Variants in RGSL1 observed in about 807,000 individuals in gnomAD.
RGSL1 encodes regulator of G protein signaling like 1, also known as regulator of G protein signaling protein-like.
RGSL1 carries 97 observed loss-of-function variants against 124.7 expected under a neutral mutation model. The observed-to-expected ratio is 0.78, with a 90% CI of 0.66 to 0.92. The LOEUF (loss-of-function observed/expected upper bound fraction) is 0.92, where lower values mean the gene tolerates loss of function less well. RGSL1 is among the 40% of genes least tolerant of loss of function. The pLI, the probability that RGSL1 is intolerant of heterozygous loss-of-function variation, is 0.00. For missense variants in RGSL1, 1,233 were observed against 1,288.4 expected, an observed-to-expected ratio of 0.96 and a Z score of 0.66; for synonymous variants, 424 against 438.1, an observed-to-expected ratio of 0.97 and a Z score of 0.40.
intron 10 of RGSL1, 30 bp from the exon 11 acceptor site, chr1:182,527,549 C>G (rs1312221974): frequency 2.0e-6 from 3 of 1,514,426 alleles, no homozygotes; most frequent in African/African-American, 2.8e-5. Context: ...ATTCCTTTCT[C>G]TCTACCAAAG....
intron 15 of RGSL1, among the ~76,000 whole-genome samples, chr1:182,545,673 A>G (rs952877201): frequency 1.3e-5 from 2 of 152,186 alleles, no homozygotes; most frequent in African/African-American, 4.8e-5. Context: ...TTTGCTAGAT[A>G]CAGTACTCTT....
intron 4 of RGSL1, 134 bp downstream of exon 4, chr1:182,460,267 C>T: frequency 8.0e-7 from 1 of 1,246,888 alleles, no homozygotes; most frequent in Non-Finnish European, 1.1e-6. Flanking sequence ...GGAAGTCACA[C>T]TTCATAATGA....
At chr1:182,450,277 C>A in intron 1 of RGSL1, 99 bp downstream of exon 1, 2 of 1,369,544 alleles carry the variant, frequency 1.5e-6, no homozygotes, top group Non-Finnish European at 1.0e-6. Context: ...CATTCAGGGG[C>A]ACCATGGGTG....
At chr1:182,477,656 G>C (rs1654399393) in intron 6 of RGSL1, among the ~76,000 whole-genome samples, 1 of 152,140 alleles carries the variant, frequency 6.6e-6, no homozygotes, top group Non-Finnish European at 1.5e-5. Context: ...CCTTGAGACA[G>C]CCCCAACTGC....
Position 182,548,393 on chromosome 1 carries a change from C to T in RGSL1, c.2746C>T (p.Arg916Trp), listed in dbSNP as rs558665600. The T allele has an allele frequency of 2.8e-5, 43 of 1,551,806 alleles. 1 individual carries two copies. The highest frequency in any genetic ancestry group is 3.3e-4 in the Middle Eastern group (2 of 5,992). The stretch of plus-strand genomic sequence containing the variant: ...TAATGAGAATGATGTGATCCTAATG[C>T]GGTCCAAAATGAACATTATCCAAAA... ...AYNENDVILMRSKMNIIQKLF... is the reference protein window; with the variant it reads ...AYNENDVILMWSKMNIIQKLF... The change falls in exon 16 of 22, where the codon CGG becomes TGG. Residue 916 changes from arginine to tryptophan, a missense_variant. By Grantham distance (101) the Arg-to-Trp change is moderately radical. Coordinates refer to ENST00000294854, the MANE Select transcript of RGSL1 (RefSeq NM_001137669.2).
intron 9 of RGSL1, among the ~76,000 whole-genome samples, chr1:182,498,646 T>C (rs1047743112): frequency 2.6e-5 from 4 of 152,226 alleles, no homozygotes; most frequent in African/African-American, 7.2e-5. Context: ...TTGAGTGATC[T>C]TTTTAGTGAT....
At chr1:182,520,784 A>T (rs1658276552) in intron 9 of RGSL1, among the ~76,000 whole-genome samples, 1 of 152,158 alleles carries the variant, frequency 6.6e-6, no homozygotes, top group African/African-American at 2.4e-5. Flanking sequence ...TAGATCCAAC[A>T]TATATTTCTA....
intron 17 of RGSL1, chr1:182,549,506 C>G (rs184566011): frequency 6.6e-6 from 1 of 152,234 alleles, no homozygotes; most frequent in Non-Finnish European, 1.5e-5. Context: ...TGGCCTGAGC[C>G]TTCCCAGCTG....
intron 9 of RGSL1, among the ~76,000 whole-genome samples, chr1:182,510,306 A>T (rs1461543977): frequency 2.7e-5 from 1 of 37,078 alleles, no homozygotes; most frequent in Non-Finnish European, 6.1e-5. Flanking sequence ...CAATCTCGGC[A>T]CTTTGGGAGG....
intron 4 of RGSL1, among the ~76,000 whole-genome samples, chr1:182,469,327 A>T (rs766078256): frequency 6.6e-6 from 1 of 152,220 alleles, no homozygotes; most frequent in African/African-American, 2.4e-5. Context: ...ACAAAGAGCA[A>T]CATGATTCAA....
At chr1:182,461,363 C>G (rs1361685325) in intron 4 of RGSL1, among the ~76,000 whole-genome samples, 1 of 151,576 alleles carries the variant, frequency 6.6e-6, no homozygotes, top group African/African-American at 2.4e-5. Flanking sequence ...ACAAAAACCC[C>G]CCCAGCAAAC....
rs74128950 is a variant in RGSL1 at position 182,548,544 on chromosome 1, A to C, written c.2808+89A>C. The stretch of plus-strand genomic sequence containing the variant: ...TAGAAAGCTAATTGTCAGGCACCTC[A>C]TAAGTCCTGGCTAACTACATATCCT... On this transcript the variant is annotated intron_variant, in intron 16 of 21. Transcript: ENST00000294854. 349 of 1,526,656 alleles carry C rather than the reference A, an allele frequency of 2.3e-4. 1 individual carries two copies. In the African/African-American group the frequency reaches 4.4e-3, roughly 19 times the overall value. The allele number at this position is 1,526,656 out of a possible 1,614,324, so 94.6% of individuals were successfully genotyped here. A position where few individuals can be genotyped will look rare whatever the true frequency, so the allele number is the denominator to read the frequency against.
intron 2 of RGSL1, among the ~76,000 whole-genome samples, chr1:182,455,712 T>C (rs530524581): frequency 3.3e-5 from 5 of 152,200 alleles, no homozygotes; most frequent in Non-Finnish European, 7.3e-5. Context: ...TTTGACACTT[T>C]GGGGCAAATT....
chr1:182,454,104 C>A, intron 2 of RGSL1, 64 bp downstream of exon 2: 1 of 939,164 alleles, frequency 1.1e-6, no homozygotes, highest in Non-Finnish European at 1.7e-6. Flanking sequence ...TCTCACAGAG[C>A]TGAGTGACTT....
chr1:182,514,425 T>A (rs1472276050), intron 9 of RGSL1, among the ~76,000 whole-genome samples: 4 of 152,144 alleles, frequency 2.6e-5, no homozygotes, highest in Non-Finnish European at 1.5e-5. Context: ...ACAAAGCTCA[T>A]CCCCAAATCT....
intron 18 of RGSL1, among the ~76,000 whole-genome samples, chr1:182,552,117 ATT>A: frequency 6.8e-6 from 1 of 146,678 alleles, no homozygotes. Context: ...GCAAAAGGGA[ATT>A]TTTTTTTTTT....
chr1:182,472,467 A>G lies in RGSL1; in HGVS notation c.373A>G (p.Arg125Gly), dbSNP rs779340574. The G allele has an allele frequency of 4.8e-5, 74 of 1,551,066 alleles. No individual in the cohort carries two copies. The highest frequency in any genetic ancestry group is 6.0e-5 in the Non-Finnish European group (69 of 1,146,654). ...CATAGATGAGATGGACCTGGAAGTG[A>G]GAGACTACTACCTGTCCCTCCTCCT... is the stretch of plus-strand genomic sequence containing the variant. The part of the protein sequence containing the change: ...LSIDEMDLEV[R>G]DYYLSLLLML... Residue 125 changes from arginine (R) to glycine (G), a missense_variant, in exon 5 of 22, where the codon AGA (arginine) becomes GGA (glycine). By Grantham distance (125) the Arg-to-Gly change is moderately radical. Transcript: ENST00000294854.
At chr1:182,507,339 A>C (rs142432620) in intron 9 of RGSL1, 2 of 151,762 alleles carry the variant, frequency 1.3e-5, no homozygotes, top group Non-Finnish European at 2.9e-5. Context: ...TATCAATCAA[A>C]CCATATATTT....
intron 2 of RGSL1, among the ~76,000 whole-genome samples, chr1:182,455,593 A>G (rs1436468643): frequency 2.3e-5 from 1 of 44,320 alleles, no homozygotes; most frequent in Non-Finnish European, 5.7e-5. Flanking sequence ...AAAAGAAAGA[A>G]AAAAAAAAAG....
Sources: gnomAD v4.1 joint callset for allele counts (sites outside exome capture counted in the v4.1 genomes callset) on GRCh38, gnomAD v4.1.1 for gene constraint, MANE v1.5 for transcripts, NCBI Gene and HGNC (gene_info 2026-07-23, HGNC 2026-07-21) for gene names.